The following ANKS1A variants were observed in gnomAD, a reference collection of about 807,000 sequenced individuals.
ANKS1A encodes ankyrin repeat and sterile alpha motif domain containing 1A.
In ANKS1A, 55 loss-of-function variants were observed where a neutral mutation model predicts 120.3. The ratio of observed to expected loss-of-function variants is 0.46; its 90% CI spans 0.37 to 0.57. The LOEUF is 0.57. Among genes scored for constraint, ANKS1A ranks in the 20% least tolerant of loss-of-function variants. The pLI, the probability that ANKS1A is intolerant of heterozygous loss-of-function variation, is 0.00. For missense variants in ANKS1A, 1,123 were observed against 1,480.3 expected, an observed-to-expected ratio of 0.76 and a Z score of 3.96; for synonymous variants, 590 against 604.7, an observed-to-expected ratio of 0.98 and a Z score of 0.36.
chr6:34,951,938 C>T (rs534809446), intron 1 of ANKS1A, among the ~76,000 whole-genome samples: 64 of 151,980 alleles, frequency 4.2e-4, no homozygotes, highest in African/African-American at 1.0e-3. Flanking sequence ...AAAGAAAAGG[C>T]AAGACAGGAT....
At chr6:35,014,774 A>G (rs955966457) in intron 10 of ANKS1A, among the ~76,000 whole-genome samples, 1 of 152,232 alleles carries the variant, frequency 6.6e-6, no homozygotes, top group Admixed American at 6.5e-5. Context: ...CTTGCATTCA[A>G]ATATAGTCAG....
At chr6:35,002,404 G>C (rs1379754164) in intron 10 of ANKS1A, among the ~76,000 whole-genome samples, 1 of 152,120 alleles carries the variant, frequency 6.6e-6, no homozygotes, top group Non-Finnish European at 1.5e-5. Context: ...AACTCATCGC[G>C]GGACTCATTT....
chr6:35,029,834 T>G (rs1047941595), intron 11 of ANKS1A, among the ~76,000 whole-genome samples: 15 of 149,072 alleles, frequency 1.0e-4, no homozygotes, highest in South Asian at 2.1e-4. Flanking sequence ...ATTTTTTATA[T>G]ATATATAGTT....
intron 9 of ANKS1A, among the ~76,000 whole-genome samples, chr6:34,993,867 T>C (rs879747474): frequency 5.3e-5 from 8 of 152,244 alleles, no homozygotes; most frequent in Admixed American, 5.2e-4. Context: ...AAAGAGATTA[T>C]GCAGAACACT....
intron 16 of ANKS1A, among the ~76,000 whole-genome samples, chr6:35,080,265 AC>A (rs1245204430): frequency 6.6e-6 from 1 of 152,128 alleles, no homozygotes; most frequent in Non-Finnish European, 1.5e-5. Context: ...CCACCTGGGC[AC>A]CCCCCAAATC....
intron 10 of ANKS1A, among the ~76,000 whole-genome samples, chr6:34,998,117 C>T (rs1456725321): frequency 1.3e-5 from 2 of 152,314 alleles, no homozygotes; most frequent in East Asian, 1.9e-4. Context: ...CCTTGCCTAT[C>T]CTGGCAGCCT....
At chr6:35,079,478 G>A in intron 14 of ANKS1A, 38 bp from the exon 15 acceptor site, 1 of 1,610,938 alleles carries the variant, frequency 6.2e-7, no homozygotes, top group Non-Finnish European at 8.5e-7. Flanking sequence ...TCCTGTGAGT[G>A]CTGAGATGTC....
At chr6:34,930,629 C>G (rs953292016) in intron 1 of ANKS1A, among the ~76,000 whole-genome samples, 1 of 152,158 alleles carries the variant, frequency 6.6e-6, no homozygotes, top group Non-Finnish European at 1.5e-5. Flanking sequence ...TCTTTTCTCT[C>G]TGTTCTGCTT....
intron 1 of ANKS1A, among the ~76,000 whole-genome samples, chr6:34,908,670 T>A (rs1299863761): frequency 1.3e-5 from 2 of 152,210 alleles, no homozygotes; most frequent in African/African-American, 4.8e-5. Context: ...TATAGTAGCT[T>A]CTCTGTACCT....
intron 13 of ANKS1A, chr6:35,070,852 C>T (rs533909083): frequency 3.3e-6 from 2 of 599,052 alleles, no homozygotes. Flanking sequence ...GTGTGCGCGC[C>T]AAAGATTTAT....
intron 1 of ANKS1A, among the ~76,000 whole-genome samples, chr6:34,966,061 A>G (rs1297132859): frequency 2.6e-5 from 4 of 152,166 alleles, no homozygotes; most frequent in African/African-American, 9.7e-5. Flanking sequence ...TGATTCTTCA[A>G]TATGGAAATG....
chr6:35,024,923 C>T (rs1048793420), intron 11 of ANKS1A, among the ~76,000 whole-genome samples: 5 of 152,270 alleles, frequency 3.3e-5, no homozygotes, highest in African/African-American at 1.2e-4. Flanking sequence ...GTGCATTGTT[C>T]CTCTTTATGT....
chr6:35,094,819 C>G (rs958161372), downstream of ANKS1A, among the ~76,000 whole-genome samples: 3 of 148,044 alleles, frequency 2.0e-5, no homozygotes, highest in Non-Finnish European at 4.5e-5. Context: ...AACATTGTGT[C>G]AACGAAGAAG....
At chr6:34,910,872 A>G (rs1278151315) in intron 1 of ANKS1A, among the ~76,000 whole-genome samples, 7 of 151,766 alleles carry the variant, frequency 4.6e-5, no homozygotes, top group Non-Finnish European at 8.8e-5. Flanking sequence ...AAAAAAAAAA[A>G]AAAGAAAGAA....
At position 34,911,307 on chromosome 6, in the gene ANKS1A, CAT is replaced by C. The variant is rs146340903; in HGVS notation, c.197+21709_197+21710del. On this transcript the variant is annotated intron_variant, in intron 1 of 23. Coordinates refer to ENST00000360359, the MANE Select transcript of ANKS1A (RefSeq NM_015245.3). ...GTTTATGTAGTTATTTATTTACCGA[CAT>C]GTGTGCAGAAAGCCAAATCGGTACT... Among the ~76,000 whole-genome samples, 1,278 of 152,244 alleles carry C rather than the reference CAT, an allele frequency of 8.4e-3. 23 individuals are homozygous for C. The highest frequency in any genetic ancestry group is 0.028 in the African/African-American group (1,172 of 41,530).
chr6:35,090,180 G>A lies in ANKS1A; in HGVS notation c.*1571G>A, dbSNP rs1778223542. 1 of 1,289,456 alleles carries A rather than the reference G, an allele frequency of 7.8e-7. No homozygotes were observed. Among genetic ancestry groups the A allele is most frequent in the Non-Finnish European group, 1.0e-6 (1 of 988,882 alleles). 79.9% of individuals were successfully genotyped at this position (1,289,456 alleles called of 1,614,324 possible). ...CCTCCTCCACTTCTTGGTACTAAAC[G>A]AAGATCTCGACACCTTGCAGTTTTA... On this transcript the variant is annotated 3_prime_UTR_variant, in exon 24 of 24. Transcript: ENST00000360359.
intron 10 of ANKS1A, among the ~76,000 whole-genome samples, chr6:35,012,884 A>G (rs1452263969): frequency 1.3e-5 from 2 of 152,096 alleles, no homozygotes; most frequent in African/African-American, 4.8e-5. Flanking sequence ...TTTCTCTCCT[A>G]GAAGGGCAGA....
downstream of ANKS1A, among the ~76,000 whole-genome samples, chr6:35,094,461 T>C (rs921622188): frequency 6.7e-5 from 10 of 149,016 alleles, no homozygotes; most frequent in African/African-American, 9.8e-5. Flanking sequence ...AAAAAAGATA[T>C]CAGCACCAAG....
At chr6:35,001,931 G>A (rs1773192316) in intron 10 of ANKS1A, among the ~76,000 whole-genome samples, 1 of 152,166 alleles carries the variant, frequency 6.6e-6, no homozygotes, top group Non-Finnish European at 1.5e-5. Context: ...TACAAAGTCT[G>A]GCCCCCATGT....
Sources: allele counts gnomAD v4.1 joint callset (sites outside exome capture counted in the v4.1 genomes callset), GRCh38; gene constraint gnomAD v4.1.1; transcripts MANE v1.5; gene names NCBI Gene and HGNC (gene_info 2026-07-23, HGNC 2026-07-21).